Variants in SVOP observed in about 807,000 individuals in gnomAD.
SVOP encodes the protein synaptic vesicle 2-related protein.
Under a neutral mutation model 69.1 loss-of-function variants are expected in SVOP, and 17 were observed. The ratio of observed to expected loss-of-function variants is 0.25; its 90% CI spans 0.17 to 0.37. The LOEUF (loss-of-function observed/expected upper bound fraction) is 0.37, where lower values mean the gene tolerates loss of function less well. Among genes scored for constraint, SVOP ranks in the 10% least tolerant of loss-of-function variants. SVOP has a pLI of 1.00. For missense variants in SVOP, 435 were observed against 597.5 expected (o/e 0.73, Z 2.84); for synonymous variants, 238 against 238.6 (o/e 1.00, Z 0.02).
chr12:108,959,063 T>C (rs2040001867), intron 6 of SVOP, among the ~76,000 whole-genome samples: 1 of 152,228 alleles, frequency 6.6e-6, no homozygotes, highest in Admixed American at 6.5e-5. Flanking sequence ...CATGGTGCTC[T>C]TGCTCAATGC....
rs770962653 is a variant in SVOP at position 108,922,721 on chromosome 12, G to A, written c.1125C>T (p.Asp375=). ...ACTCAGAGAGGGTGGTCCACAGCAA[G>A]TCCATGTAATCCTCCTCACTCAGGT... The part of the protein sequence containing the change: ...CEYLSEEDYM[D]LLWTTLSEFP... The change falls in exon 12 of 16, where the codon GAC becomes GAT. Residue 375 remains aspartate, a synonymous_variant. Transcript: ENST00000610966. 2.9e-5 allele frequency: 47 copies of A among 1,611,170 alleles called. No individual in the cohort carries two copies. The highest frequency in any genetic ancestry group is 4.0e-5 in the Non-Finnish European group (47 of 1,179,016).
intron 1 of SVOP, 132 bp downstream of exon 1, chr12:109,020,702 T>C: frequency 2.0e-6 from 1 of 488,298 alleles, no homozygotes; most frequent in Non-Finnish European, 3.8e-6. Flanking sequence ...CAGGCCCTAA[T>C]TCCTTCCTCT....
intron 1 of SVOP, among the ~76,000 whole-genome samples, chr12:109,012,272 G>C (rs1430569014): frequency 6.6e-6 from 1 of 150,998 alleles, no homozygotes; most frequent in Non-Finnish European, 1.5e-5. Flanking sequence ...AACAGAGCGA[G>C]ACTGTCTCAG....
rs903152726 is a variant in SVOP, at chr12:108,976,837, A to C, written c.381+561T>G. Among the ~76,000 whole-genome samples, 101 of 151,224 alleles carry C rather than the reference A, an allele frequency of 6.7e-4. 2 individuals carry two copies. The highest frequency in any genetic ancestry group is 6.5e-3 in the Admixed American group (99 of 15,198). On this transcript the variant is annotated intron_variant, in intron 4 of 15. Coordinates refer to ENST00000610966, the MANE Select transcript of SVOP (RefSeq NM_018711.5). ...ACCATATTGGTCAGACTGGTCTCGA[A>C]CTCCTGACCTCAGGTGGTCCACCCA...
At chr12:108,998,642 G>T (rs939814755) in intron 1 of SVOP, among the ~76,000 whole-genome samples, 70 of 152,274 alleles carry the variant, frequency 4.6e-4, no homozygotes, top group African/African-American at 1.6e-3. Flanking sequence ...CCATAAGAGA[G>T]TGGGGGCCAA....
At chr12:108,952,267 C>T (rs2039960038) in intron 6 of SVOP, among the ~76,000 whole-genome samples, 1 of 124,176 alleles carries the variant, frequency 8.1e-6, no homozygotes, top group Non-Finnish European at 1.6e-5. Context: ...CAGAGTCTCA[C>T]TCTGTTCCCC....
At chr12:108,950,106 C>A (rs1470290172) in intron 6 of SVOP, among the ~76,000 whole-genome samples, 1 of 152,196 alleles carries the variant, frequency 6.6e-6, no homozygotes. Flanking sequence ...TTCTGTCACC[C>A]AGGCTGGAGT....
intron 13 of SVOP, among the ~76,000 whole-genome samples, chr12:108,919,260 C>T (rs2039733639): frequency 6.8e-6 from 1 of 147,864 alleles, no homozygotes; most frequent in South Asian, 2.2e-4. Context: ...GAGCTTACAC[C>T]CACATCTGGG....
At chr12:108,989,615 A>G (rs2040187546) in intron 1 of SVOP, among the ~76,000 whole-genome samples, 1 of 152,092 alleles carries the variant, frequency 6.6e-6, no homozygotes, top group African/African-American at 2.4e-5. Context: ...CCAGCAGTGG[A>G]GAGCATAATC....
At chr12:108,975,736 C>T (rs907434774) in intron 4 of SVOP, among the ~76,000 whole-genome samples, 1 of 152,144 alleles carries the variant, frequency 6.6e-6, no homozygotes, top group African/African-American at 2.4e-5. Flanking sequence ...GAGTGTCACT[C>T]TGTCACCCAG....
intron 1 of SVOP, among the ~76,000 whole-genome samples, chr12:108,989,322 G>A (rs1283825267): frequency 3.3e-5 from 5 of 152,116 alleles, no homozygotes; most frequent in Non-Finnish European, 5.9e-5. Flanking sequence ...CCATCCTCCC[G>A]CCTTGGCCTC....
intron 7 of SVOP, among the ~76,000 whole-genome samples, chr12:108,942,131 A>G (rs1204564506): frequency 6.6e-6 from 1 of 152,258 alleles, no homozygotes; most frequent in Non-Finnish European, 1.5e-5. Flanking sequence ...TTCCCTGAGC[A>G]TAATGTCCTC....
rs534408234 is a variant in SVOP, at chr12:108,998,080, G to A, written c.36-14319C>T. ...AACTTTGAAAAAAATTTAGAAGAAC[G>A]TATAACTAGAATAACCAATACAGAG... On this transcript the variant is annotated intron_variant, in intron 1 of 15. Transcript: ENST00000610966. Among the ~76,000 whole-genome samples, 575 of 151,956 alleles carry A rather than the reference G, an allele frequency of 3.8e-3. 3 individuals carry two copies. Among genetic ancestry groups the A allele is most frequent in the Non-Finnish European group, 6.7e-3 (457 of 67,996 alleles).
At chr12:108,927,962 G>A (rs528141780) in intron 11 of SVOP, among the ~76,000 whole-genome samples, 1 of 149,838 alleles carries the variant, frequency 6.7e-6, no homozygotes, top group Admixed American at 6.8e-5. Context: ...TTGGAAAGCA[G>A]TGGTGCTATA....
At chr12:109,006,344 G>T (rs1225792054) in intron 1 of SVOP, among the ~76,000 whole-genome samples, 1 of 152,064 alleles carries the variant, frequency 6.6e-6, no homozygotes, top group Non-Finnish European at 1.5e-5. Flanking sequence ...GACCCACTGT[G>T]CCCACCCCAG....
At chr12:108,915,920 C>T (rs770724611) in intron 14 of SVOP, 48 bp from the exon 15 acceptor site, 10 of 1,497,762 alleles carry the variant, frequency 6.7e-6, no homozygotes, top group Non-Finnish European at 8.0e-6. Context: ...CAGGTTCCTC[C>T]CACCACTCCA....
chr12:108,920,922 T>A (rs540239004), intron 12 of SVOP, among the ~76,000 whole-genome samples: 3 of 152,304 alleles, frequency 2.0e-5, no homozygotes, highest in Non-Finnish European at 4.4e-5. Context: ...TAATCTTGTT[T>A]AGTCATCAAA....
At position 108,969,477 on chromosome 12, in the gene SVOP, G is replaced by A. The variant is rs554116278; in HGVS notation, c.453+2928C>T. On this transcript the variant is annotated intron_variant, in intron 5 of 15. Transcript: ENST00000610966. ...GCTCCTGAGTAGCTTACAGGCATGCGCCACCATGCCTGGCTAATTTTGTAT... is the reference window on the plus strand; with the variant it reads ...GCTCCTGAGTAGCTTACAGGCATGCACCACCATGCCTGGCTAATTTTGTAT... 4.6e-5 allele frequency among the ~76,000 whole-genome samples: 7 copies of A among 150,822 alleles called. No individual in the cohort carries two copies. In the South Asian group the frequency reaches 8.4e-4, roughly 18 times the overall value.
intron 11 of SVOP, among the ~76,000 whole-genome samples, chr12:108,930,716 G>T (rs60086598): frequency 0.017 from 2,611 of 152,226 alleles, 59 homozygotes; most frequent in African/African-American, 0.059. Flanking sequence ...TTACAGGCAT[G>T]AGCCACTACG....
Sources: allele counts gnomAD v4.1 joint callset (sites outside exome capture counted in the v4.1 genomes callset), GRCh38; gene constraint gnomAD v4.1.1; transcripts MANE v1.5; gene names NCBI Gene and HGNC (gene_info 2026-07-23, HGNC 2026-07-21).